The following ENKUR variants were observed in gnomAD, a reference collection of about 807,000 sequenced individuals.
ENKUR encodes the protein enkurin, TRPC channel interacting protein.
A neutral mutation model predicts 27.6 loss-of-function variants in ENKUR; 19 were observed. The ratio of observed to expected loss-of-function variants is 0.69; its 90% CI spans 0.48 to 1.01. The LOEUF is 1.01. Among genes scored for constraint, ENKUR ranks in the 50% least tolerant of loss-of-function variants. The pLI is 0.00. For missense variants in ENKUR, 312 were observed against 310.5 expected (o/e 1.00, Z -0.04); for synonymous variants, 117 against 96.9 (o/e 1.21, Z -1.22).
At chr10:25,016,992 C>G (rs1156807800), upstream of ENKUR, among the ~76,000 whole-genome samples, 2 of 152,150 alleles carry the variant, frequency 1.3e-5, no homozygotes, top group Non-Finnish European at 2.9e-5. Context: ...GCACGGGGCC[C>G]GCGGCCTCCT....
In ENKUR at chr10:25,015,932, T is replaced by C. The variant is rs976471382; in HGVS notation, c.5A>G (p.Asp2Gly). 1.9e-6 allele frequency: 3 copies of C among 1,606,454 alleles called. No individual in the cohort carries two copies. Among genetic ancestry groups the C allele is most frequent in the Non-Finnish European group, 2.6e-6 (3 of 1,176,204 alleles). M[D>G]PTCSSECIYN... ...AATGCACTCAGAAGAGCACGTTGGA[T>C]CCATGGCCACCAAATGACTCCTTAA... The change falls in exon 1 of 6, where the codon GAT becomes GGT. Residue 2 changes from aspartate to glycine, a missense_variant. Transcript: ENST00000331161.
At chr10:25,050,477 C>G (rs1851175187) in intron 2 of ENKUR, among the ~76,000 whole-genome samples, 1 of 152,102 alleles carries the variant, frequency 6.6e-6, no homozygotes. Flanking sequence ...GGGGAACTGC[C>G]CTTTATAAAA....
chr10:25,050,930 C>G (rs868324556), intron 2 of ENKUR, among the ~76,000 whole-genome samples: 4 of 152,224 alleles, frequency 2.6e-5, no homozygotes, highest in Middle Eastern at 3.4e-3. Context: ...ACATGGGTCA[C>G]CTTTGTGCTG....
upstream of ENKUR, chr10:25,016,621 A>C (rs971235277): frequency 1.3e-5 from 2 of 152,376 alleles, no homozygotes; most frequent in African/African-American, 4.8e-5. Flanking sequence ...CGTGGAGCGG[A>C]GGCACGCTGG....
chr10:25,014,322 T>C (rs966888068), intron 1 of ENKUR, among the ~76,000 whole-genome samples: 7 of 152,194 alleles, frequency 4.6e-5, no homozygotes, highest in African/African-American at 2.4e-5. Context: ...AATGATTCTT[T>C]TGGCATCACA....
intron 1 of ENKUR, among the ~76,000 whole-genome samples, chr10:25,004,439 T>G (rs992002594): frequency 1.3e-5 from 2 of 151,908 alleles, no homozygotes; most frequent in Non-Finnish European, 2.9e-5. Context: ...ACCAGTATCT[T>G]TTGAATAATG....
At chr10:25,030,695 A>G (rs1185126361) in intron 2 of ENKUR, among the ~76,000 whole-genome samples, 1 of 152,178 alleles carries the variant, frequency 6.6e-6, no homozygotes, top group Non-Finnish European at 1.5e-5. Flanking sequence ...AGTTCTGATA[A>G]TTATGATAAA....
intron 2 of ENKUR, among the ~76,000 whole-genome samples, chr10:25,049,257 A>G (rs75568941): frequency 0.017 from 2,569 of 152,262 alleles, 63 homozygotes; most frequent in African/African-American, 0.059. Context: ...ACATTCTCTC[A>G]GATAAGTATT....
intron 4 of ENKUR, among the ~76,000 whole-genome samples, chr10:24,988,650 G>C (rs1187695901): frequency 1.2e-5 from 1 of 81,186 alleles, no homozygotes; most frequent in East Asian, 4.0e-4. Context: ...AAAATGTAGA[G>C]TGACACAGCA....
intron 4 of ENKUR, 111 bp downstream of exon 4, chr10:24,990,352 G>T (rs1318684668): frequency 3.6e-6 from 5 of 1,378,730 alleles, no homozygotes; most frequent in Non-Finnish European, 2.0e-6. Flanking sequence ...CAAAGAGATT[G>T]TTCTGATTTC....
intron 3 of ENKUR, among the ~76,000 whole-genome samples, chr10:24,991,664 C>G (rs1472382238): frequency 2.6e-5 from 4 of 152,194 alleles, no homozygotes; most frequent in Non-Finnish European, 4.4e-5. Flanking sequence ...TCTGCTGAAG[C>G]TACTTCCACT....
intron 1 of ENKUR, among the ~76,000 whole-genome samples, chr10:25,001,944 A>G (rs1850196874): frequency 6.6e-6 from 1 of 151,990 alleles, no homozygotes; most frequent in Non-Finnish European, 1.5e-5. Flanking sequence ...TGAATTTTAC[A>G]TTGTTTGTTG....
At chr10:25,058,954 G>A (rs1296645736) in intron 2 of ENKUR, among the ~76,000 whole-genome samples, 1 of 151,152 alleles carries the variant, frequency 6.6e-6, no homozygotes, top group South Asian at 2.1e-4. Context: ...AAGTAAGGAG[G>A]GGGAGACCCA....
At chr10:25,055,754 A>G (rs1851249599) in intron 2 of ENKUR, among the ~76,000 whole-genome samples, 1 of 152,146 alleles carries the variant, frequency 6.6e-6, no homozygotes, top group Admixed American at 6.5e-5. Context: ...GTATCTTTTC[A>G]GCTGCTCTTT....
At chr10:25,024,597 T>C in intron 2 of ENKUR, 1 of 1,614,200 alleles carries the variant, frequency 6.2e-7, no homozygotes, top group Non-Finnish European at 8.5e-7. Context: ...GCTTTCTTAC[T>C]GTGGAATATG....
chr10:25,060,871 C>A (rs1448188756), intron 2 of ENKUR, among the ~76,000 whole-genome samples: 1 of 151,856 alleles, frequency 6.6e-6, no homozygotes, highest in East Asian at 1.9e-4. Context: ...CTATGTTCAG[C>A]TAATTTAAAA....
chr10:25,058,053 G>A (rs531541274), intron 2 of ENKUR, among the ~76,000 whole-genome samples: 2 of 152,174 alleles, frequency 1.3e-5, no homozygotes, highest in African/African-American at 4.8e-5. Context: ...GGTGAGTGAG[G>A]TTGATAGGAA....
intron 2 of ENKUR, among the ~76,000 whole-genome samples, chr10:25,052,505 C>CA (rs1482663798): frequency 1.3e-5 from 2 of 152,152 alleles, no homozygotes; most frequent in Non-Finnish European, 2.9e-5. Flanking sequence ...AGGCGGGGCT[C>CA]AGTGGCTCAT....
chr10:24,984,551 AC>A, intron 5 of ENKUR, 175 bp from the exon 6 acceptor site: 1 of 1,084,480 alleles, frequency 9.2e-7, no homozygotes. Context: ...ACTAGTAAAA[AC>A]AAAATTTCTT....
Sources: allele counts gnomAD v4.1 joint callset (sites outside exome capture counted in the v4.1 genomes callset), GRCh38; gene constraint gnomAD v4.1.1; transcripts MANE v1.5; gene names NCBI Gene and HGNC (gene_info 2026-07-23, HGNC 2026-07-21).